The following MDGA2 variants were observed in gnomAD, a reference collection of about 807,000 sequenced individuals.
MDGA2 encodes MAM domain-containing glycosylphosphatidylinositol anchor protein 2.
A neutral mutation model predicts 117.8 loss-of-function variants in MDGA2; 40 were observed. The ratio of observed to expected loss-of-function variants is 0.34; its 90% confidence interval spans 0.26 to 0.44. MDGA2 has a LOEUF of 0.44. Ranked by LOEUF, MDGA2 falls within the 20% of genes least tolerant of loss-of-function variation. MDGA2 has a pLI of 1.00. For missense variants in MDGA2, 1,123 were observed against 1,250.6 expected (o/e 0.90, Z 1.54); for synonymous variants, 452 against 439.0 (o/e 1.03, Z -0.37).
chr14:47,512,894 T>G (rs1257693409), intron 1 of MDGA2, among the ~76,000 whole-genome samples: 1 of 147,878 alleles, frequency 6.8e-6, no homozygotes, highest in African/African-American at 2.7e-5. Flanking sequence ...AAAACTCTGC[T>G]GCGTTTATAC....
chr14:47,661,912 T>A (rs989591759), intron 1 of MDGA2, among the ~76,000 whole-genome samples: 15 of 152,028 alleles, frequency 9.9e-5, no homozygotes, highest in African/African-American at 3.6e-4. Context: ...ATTTTTTGTA[T>A]TTTTAGTAGA....
intron 8 of MDGA2, among the ~76,000 whole-genome samples, chr14:47,024,831 T>C (rs902955786): frequency 6.6e-6 from 1 of 152,176 alleles, no homozygotes; most frequent in Non-Finnish European, 1.5e-5. Flanking sequence ...AGGTGTCCTT[T>C]TGAAGAACCT....
chr14:47,651,082 G>A (rs1897631644), intron 1 of MDGA2, among the ~76,000 whole-genome samples: 3 of 152,204 alleles, frequency 2.0e-5, no homozygotes, highest in African/African-American at 7.2e-5. Flanking sequence ...ATATACCACA[G>A]GAACTTAACT....
At chr14:47,515,464 T>TG (rs745620248) in intron 1 of MDGA2, among the ~76,000 whole-genome samples, 16 of 152,154 alleles carry the variant, frequency 1.1e-4, no homozygotes, top group Non-Finnish European at 2.2e-4. Context: ...TAGAGATCAA[T>TG]GGGGCATTGC....
chr14:47,614,750 T>C (rs1306894218), intron 1 of MDGA2, among the ~76,000 whole-genome samples: 1 of 152,206 alleles, frequency 6.6e-6, no homozygotes, highest in Non-Finnish European at 1.5e-5. Flanking sequence ...GCATCTCAGA[T>C]TTAAACCAAT....
intron 8 of MDGA2, among the ~76,000 whole-genome samples, chr14:47,002,027 T>C (rs1246004792): frequency 6.6e-6 from 1 of 152,080 alleles, no homozygotes; most frequent in Non-Finnish European, 1.5e-5. Flanking sequence ...CTCCAGGTTG[T>C]GGAGTGGGGG....
At chr14:47,636,115 T>G (rs1897317705) in intron 1 of MDGA2, among the ~76,000 whole-genome samples, 1 of 152,166 alleles carries the variant, frequency 6.6e-6, no homozygotes, top group Non-Finnish European at 1.5e-5. Context: ...AAATAATTTC[T>G]TACAACATGG....
At chr14:47,104,071 T>C (rs907510915) in intron 5 of MDGA2, among the ~76,000 whole-genome samples, 1 of 152,222 alleles carries the variant, frequency 6.6e-6, no homozygotes, top group Non-Finnish European at 1.5e-5. Context: ...TGAAGTCATA[T>C]GCATTTACCA....
intron 2 of MDGA2, among the ~76,000 whole-genome samples, chr14:47,282,734 A>G (rs1293321735): frequency 6.6e-6 from 1 of 151,482 alleles, no homozygotes; most frequent in East Asian, 1.9e-4. Flanking sequence ...AAAAACAGGT[A>G]ATCAGTTCTA....
At chr14:47,175,849 G>A (rs1037545759) in intron 3 of MDGA2, among the ~76,000 whole-genome samples, 8 of 151,590 alleles carry the variant, frequency 5.3e-5, no homozygotes, top group African/African-American at 1.9e-4. Context: ...AGGAAAAGAG[G>A]AAGTCAAATT....
At chr14:47,200,833 CA>C in intron 3 of MDGA2, 5 of 811,318 alleles carry the variant, frequency 6.2e-6, no homozygotes, top group Non-Finnish European at 1.1e-5. Flanking sequence ...CAGGAGCCAC[CA>C]TCCATTTTTT....
rs536717369 is a variant in MDGA2, at chr14:47,038,514, T to C, written c.1526-3210A>G. ...TTTCATGTATTTAGATAAACTTTCC[T>C]CCCTGCTGAATTAAAGTTACAGAAA... is the stretch of plus-strand genomic sequence containing the variant. On this transcript the variant is annotated intron_variant, in intron 7 of 16. Transcript: ENST00000399232. Among the ~76,000 whole-genome samples the C allele has an allele frequency of 8.5e-5, 13 of 152,308 alleles. No individual in the cohort carries two copies. The South Asian group carries it at 2.5e-3, about 29-fold the overall frequency.
At chr14:47,138,826 T>C (rs1882579579) in intron 4 of MDGA2, among the ~76,000 whole-genome samples, 1 of 152,114 alleles carries the variant, frequency 6.6e-6, no homozygotes, top group South Asian at 2.1e-4. Flanking sequence ...CTGGCCTATG[T>C]CTTTTAGTAG....
In MDGA2 at chr14:47,314,532, G is replaced by C. The variant is rs534144820; in HGVS notation, c.281-12982C>G. Among the ~76,000 whole-genome samples, 219 of 152,076 alleles carry C rather than the reference G, an allele frequency of 1.4e-3. 1 individual carries two copies. Among genetic ancestry groups the C allele is most frequent in the African/African-American group, 5.2e-3 (214 of 41,492 alleles). The stretch of plus-strand genomic sequence containing the variant: ...ATCTCGACAAAAGAAAAATAAATTA[G>C]CTGGGCTTGGTGGCATGAGCCTGTA... On this transcript the variant is annotated intron_variant, in intron 1 of 16. Coordinates refer to ENST00000399232, the MANE Select transcript of MDGA2 (RefSeq NM_001113498.3).
intron 1 of MDGA2, among the ~76,000 whole-genome samples, chr14:47,597,194 T>C (rs1280404396): frequency 1.3e-5 from 2 of 152,146 alleles, no homozygotes; most frequent in Non-Finnish European, 2.9e-5. Flanking sequence ...GGGTAATCGG[T>C]TTAAAAAATC....
At chr14:47,538,668 C>T (rs1895273770) in intron 1 of MDGA2, among the ~76,000 whole-genome samples, 1 of 152,134 alleles carries the variant, frequency 6.6e-6, no homozygotes, top group Non-Finnish European at 1.5e-5. Flanking sequence ...AGTCTTACCA[C>T]ATGATGTGAT....
chr14:47,158,359 GGTGGGTGT>G (rs1456971328), intron 3 of MDGA2, among the ~76,000 whole-genome samples: 110 of 120,080 alleles, frequency 9.2e-4, no homozygotes, highest in African/African-American at 2.9e-3. Flanking sequence ...ATATCCCTGG[GGTGGGTGT>G]GTGTGTGTGT....
At chr14:47,499,167 C>T (rs138295077) in intron 1 of MDGA2, among the ~76,000 whole-genome samples, 18 of 152,124 alleles carry the variant, frequency 1.2e-4, no homozygotes, top group South Asian at 2.1e-4. Context: ...TGGAACTAGT[C>T]CATAATATAA....
At chr14:47,000,420 CACATATAAATATATATACATATAA>C (rs1566567953) in intron 8 of MDGA2, among the ~76,000 whole-genome samples, 3 of 71,940 alleles carry the variant, frequency 4.2e-5, no homozygotes, top group Non-Finnish European at 1.0e-4. Context: ...TATATATATA[CACATATAAATATATATACATATAA>C]ATATATATAT....
Sources: gnomAD v4.1 joint callset for allele counts (sites outside exome capture counted in the v4.1 genomes callset) on GRCh38, gnomAD v4.1.1 for gene constraint, MANE v1.5 for transcripts, NCBI Gene and HGNC (gene_info 2026-07-23, HGNC 2026-07-21) for gene names.